The following VNN1 variants were observed in gnomAD, a reference collection of about 807,000 sequenced individuals.
VNN1 encodes pantetheinase.
A neutral mutation model predicts 41.9 loss-of-function variants in VNN1; 29 were observed. The observed-to-expected ratio is 0.69, with a 90% CI of 0.52 to 0.94. The LOEUF (loss-of-function observed/expected upper bound fraction) is 0.94. Ranked by LOEUF, VNN1 falls within the 40% of genes least tolerant of loss-of-function variation. The pLI is 0.00. For missense variants in VNN1, 637 were observed against 621.1 expected, an observed-to-expected ratio of 1.03 and a Z score of -0.27; for synonymous variants, 233 against 224.4, an observed-to-expected ratio of 1.04 and a Z score of -0.34.
rs1295520380 is a variant in VNN1, at chr6:132,692,295, G to C, written c.1116C>G (p.Asn372Lys). The C allele has an allele frequency of 3.7e-6, 6 of 1,614,138 alleles. No individual in the cohort carries two copies. In the South Asian group the frequency reaches 6.6e-5, roughly 18 times the overall value. Residue 372 changes from asparagine to lysine, a missense_variant, in exon 5 of 7, where the codon AAC (asparagine) becomes AAG (lysine). By Grantham distance (94) the Asn-to-Lys change is moderately conservative (BLOSUM62 0). Coordinates refer to ENST00000367928, the MANE Select transcript of VNN1 (RefSeq NM_004666.3). ...CTAGAGCGTACACTTCATTTGGTATGTTCTCAGACATTTTGTAGCTTAAAT... is the reference window on the plus strand; with the variant it reads ...CTAGAGCGTACACTTCATTTGGTATCTTCTCAGACATTTTGTAGCTTAAAT... The part of the protein sequence containing the change: ...CCHLSYKMSE[N>K]IPNEVYALGA...
In VNN1 at chr6:132,682,553, C is replaced by G. The variant is rs1289334898; in HGVS notation, c.*587G>C. On this transcript the variant is annotated 3_prime_UTR_variant, in exon 7 of 7. Transcript: ENST00000367928. The stretch of plus-strand genomic sequence containing the variant: ...GCCTGTTGTGCCCTACTCGCCTCTT[C>G]TTTTATGATCATCAGTCATATTGAA... 1.3e-5 allele frequency: 2 copies of G among 152,258 alleles called. No individual in the cohort carries two copies. The highest frequency in any genetic ancestry group is 4.8e-5 in the African/African-American group (2 of 41,436). 9.4% of individuals were successfully genotyped at this position (152,258 alleles called of 1,614,324 possible). A position where few individuals can be genotyped will look rare whatever the true frequency, so the allele number is the denominator to read the frequency against.
chr6:132,691,395 C>A (rs1173902884), intron 5 of VNN1, among the ~76,000 whole-genome samples: 8 of 151,740 alleles, frequency 5.3e-5, no homozygotes, highest in Non-Finnish European at 1.2e-4. Flanking sequence ...ACCATGGAGG[C>A]CACTTGCGAG....
At chr6:132,688,230 C>G (rs1009018152) in intron 5 of VNN1, among the ~76,000 whole-genome samples, 2 of 152,064 alleles carry the variant, frequency 1.3e-5, no homozygotes, top group Admixed American at 6.6e-5. Context: ...TAACATAAGG[C>G]TATAACATTT....
intron 5 of VNN1, among the ~76,000 whole-genome samples, chr6:132,686,955 T>G (rs1312071769): frequency 6.6e-6 from 1 of 151,942 alleles, no homozygotes; most frequent in African/African-American, 2.4e-5. Context: ...AGTACAAGAT[T>G]TGGAAGATCA....
In VNN1 at chr6:132,694,137, C is replaced by T. The variant is rs1433883535; in HGVS notation, c.387G>A (p.Lys129=). Residue 129 remains lysine, a synonymous_variant, in exon 3 of 7, where the codon AAG becomes AAA. Transcript: ENST00000367928. ...PVQERLSCLA[K]NNSIYVVANI... ...TTGCCACAACATAGATAGAGTTGTT[C>T]TTGGCCAGGCAGCTGAGTCTTTCTT... The T allele has an allele frequency of 6.2e-6, 10 of 1,613,254 alleles. No individual in the cohort carries two copies. The East Asian group carries it at 2.2e-4, about 36-fold the overall frequency.
chr6:132,701,332 A>G (rs1345180615), intron 2 of VNN1, among the ~76,000 whole-genome samples: 1 of 152,206 alleles, frequency 6.6e-6, no homozygotes, highest in Non-Finnish European at 1.5e-5. Context: ...GGCACCCTCA[A>G]GGCAAGTAAT....
chr6:132,689,865 G>A (rs1409875202), intron 5 of VNN1, among the ~76,000 whole-genome samples: 2 of 152,128 alleles, frequency 1.3e-5, no homozygotes, highest in South Asian at 2.1e-4. Flanking sequence ...TTCAAAACCA[G>A]CACATCTATA....
At chr6:132,711,116 A>G (rs138685229) in intron 2 of VNN1, among the ~76,000 whole-genome samples, 173 of 152,354 alleles carry the variant, frequency 1.1e-3, no homozygotes, top group African/African-American at 3.4e-3. Flanking sequence ...AATTCCTAAA[A>G]TAATTTTAGC....
At position 132,684,354 on chromosome 6, in the gene VNN1, A is replaced by G; in HGVS notation, c.1340T>C (p.Leu447Pro). Residue 447 changes from leucine (L) to proline (P), a missense_variant, in exon 6 of 7, where the codon CTT becomes CCT. By Grantham distance (98) the Leu-to-Pro change is moderately conservative. Transcript: ENST00000367928. ...TCTTACCTGAAATTCTCCAGGTGCA[A>G]GCTGATTTTCACTCAGCAACACCTC... is the stretch of plus-strand genomic sequence containing the variant. ...FPEVLLSENQLAPGEFQVSTD... is the reference protein window; with the variant it reads ...FPEVLLSENQPAPGEFQVSTD... 1.9e-6 allele frequency: 3 copies of G among 1,612,044 alleles called. No individual in the cohort carries two copies. The highest frequency in any genetic ancestry group is 2.5e-6 in the Non-Finnish European group (3 of 1,178,866).
chr6:132,712,387 T>G (rs532393775), intron 1 of VNN1, among the ~76,000 whole-genome samples: 1 of 152,220 alleles, frequency 6.6e-6, no homozygotes, highest in South Asian at 2.1e-4. Context: ...CAACCTCAGG[T>G]GATCCGCCTG....
chr6:132,702,580 G>A (rs970920903), intron 2 of VNN1, among the ~76,000 whole-genome samples: 2 of 152,084 alleles, frequency 1.3e-5, no homozygotes, highest in African/African-American at 4.8e-5. Context: ...CCAACTCCAG[G>A]CAGCACAGCT....
chr6:132,683,532 T>A (rs1052619470), intron 6 of VNN1, among the ~76,000 whole-genome samples: 1 of 152,200 alleles, frequency 6.6e-6, no homozygotes, highest in Admixed American at 6.5e-5. Context: ...CCGTAATCAA[T>A]GTCTTCTAAT....
chr6:132,682,907 T>C lies in VNN1; in HGVS notation c.*233A>G, dbSNP rs755172752. The C allele has an allele frequency of 1.0e-4, 29 of 290,890 alleles. No individual in the cohort carries two copies. Among genetic ancestry groups the C allele is most frequent in the Non-Finnish European group, 1.7e-4 (27 of 161,074 alleles). The allele number at this position is 290,890 out of a possible 1,614,324, so 18.0% of individuals were successfully genotyped here. A position where few individuals can be genotyped will look rare whatever the true frequency, so the allele number is the denominator to read the frequency against. On this transcript the variant is annotated 3_prime_UTR_variant, in exon 7 of 7. Transcript: ENST00000367928. ...AAAGATTTGTGATACTTATTTGATATAATTAGCTCACGTCCAAGAAAGACC... is the reference window on the plus strand; with the variant it reads ...AAAGATTTGTGATACTTATTTGATACAATTAGCTCACGTCCAAGAAAGACC...
rs1229951173 is a variant in VNN1, at chr6:132,694,007, C to T, written c.517G>A (p.Val173Met). The change falls in exon 3 of 7, where the codon GTG becomes ATG. Residue 173 changes from valine (V) to methionine (M), a missense_variant. Physicochemically the swap from Val to Met is conservative, Grantham distance 21. Coordinates refer to ENST00000367928, the MANE Select transcript of VNN1 (RefSeq NM_004666.3). ...DVVFDSQGKL[V>M]ARYHKQNLFM... ...AATTTTACCTTATGGTAGCGTGCCACCAGTTTTCCTTGAGAATCAAATACC... is the reference window on the plus strand; with the variant it reads ...AATTTTACCTTATGGTAGCGTGCCATCAGTTTTCCTTGAGAATCAAATACC... 2.5e-6 allele frequency: 4 copies of T among 1,614,018 alleles called. No homozygotes were observed. Among genetic ancestry groups the T allele is most frequent in the African/African-American group, 1.3e-5 (1 of 74,930 alleles).
chr6:132,713,790 GA>G, intron 1 of VNN1, 35 bp downstream of exon 1: 2 of 1,599,204 alleles, frequency 1.3e-6, no homozygotes, highest in Non-Finnish European at 1.7e-6. Flanking sequence ...CTTTCTCATA[GA>G]ATCCAGTACA....
At chr6:132,708,443 AAAAAG>A (rs1159131730) in intron 2 of VNN1, among the ~76,000 whole-genome samples, 2 of 152,188 alleles carry the variant, frequency 1.3e-5, no homozygotes, top group African/African-American at 4.8e-5. Flanking sequence ...AAATTAAATA[AAAAAG>A]AAAAGTGATG....
intron 2 of VNN1, among the ~76,000 whole-genome samples, chr6:132,697,627 G>A (rs1778392263): frequency 6.6e-6 from 1 of 151,358 alleles, no homozygotes. Flanking sequence ...GATAACTGTT[G>A]TATGAATAAA....
chr6:132,711,786 G>A lies in VNN1; in HGVS notation c.264C>T (p.Asn88=). Residue 88 remains asparagine (N), a synonymous_variant, in exon 2 of 7, where the codon AAC becomes AAT. Coordinates refer to ENST00000367928, the MANE Select transcript of VNN1 (RefSeq NM_004666.3). ...CCAAATATGGGTAGAGAGAGTCCCTGTTGAAGTTCCAGCCATAAATAGCAT... is the reference window on the plus strand; with the variant it reads ...CCAAATATGGGTAGAGAGAGTCCCTATTGAAGTTCCAGCCATAAATAGCAT... ...PEDAIYGWNF[N]RDSLYPYLED... The A allele has an allele frequency of 6.2e-7, 1 of 1,613,936 alleles. No individual in the cohort carries two copies. Among genetic ancestry groups the A allele is most frequent in the Non-Finnish European group, 8.5e-7 (1 of 1,179,936 alleles).
At chr6:132,696,626 A>G (rs1057346850) in intron 2 of VNN1, among the ~76,000 whole-genome samples, 2 of 152,160 alleles carry the variant, frequency 1.3e-5, no homozygotes, top group African/African-American at 4.8e-5. Flanking sequence ...TCTCATCAAT[A>G]ACTTTGGAGA....
Sources: gnomAD v4.1 joint callset for allele counts (sites outside exome capture counted in the v4.1 genomes callset) on GRCh38, gnomAD v4.1.1 for gene constraint, MANE v1.5 for transcripts, NCBI Gene and HGNC (gene_info 2026-07-23, HGNC 2026-07-21) for gene names.